The following RBM44 variants were observed in gnomAD, a reference collection of about 807,000 sequenced individuals.
RBM44 encodes RNA binding motif protein 44.
In RBM44, 66 loss-of-function variants were observed where a neutral mutation model predicts 105.1. That is an observed-to-expected ratio of 0.63 (90% CI 0.52 to 0.77). The LOEUF (loss-of-function observed/expected upper bound fraction) is 0.77, where lower values mean the gene tolerates loss of function less well. Among genes scored for constraint, RBM44 ranks in the 30% least tolerant of loss-of-function variants. RBM44 has a pLI of 0.00. For synonymous variants in RBM44, 365 were observed against 417.6 expected (o/e 0.87, Z 1.54); for missense variants, 1,122 against 1,207.8 (o/e 0.93, Z 1.05).
At chr2:237,813,389 C>G (rs2061678282) in intron 1 of RBM44, among the ~76,000 whole-genome samples, 1 of 152,072 alleles carries the variant, frequency 6.6e-6, no homozygotes, top group Non-Finnish European at 1.5e-5. Context: ...AACTTTTTAT[C>G]TAGGTTCGAC....
Position 237,816,161 on chromosome 2 carries a change from A to G in RBM44, c.74-832A>G, listed in dbSNP as rs535740731. 2.1e-3 allele frequency among the ~76,000 whole-genome samples: 316 copies of G among 152,262 alleles called. 1 individual carries two copies. Among genetic ancestry groups the G allele is most frequent in the African/African-American group, 7.2e-3 (298 of 41,564 alleles). On this transcript the variant is annotated intron_variant, in intron 2 of 15. Transcript: ENST00000316997. ...AATTTTGTCTATTTTGTTTCAAAAC[A>G]CTTTTTAAATACAAAGTTTTTCTGA...
intron 13 of RBM44, among the ~76,000 whole-genome samples, chr2:237,832,608 G>A (rs2061914919): frequency 2.0e-5 from 3 of 152,198 alleles, no homozygotes; most frequent in Admixed American, 2.0e-4. Flanking sequence ...CAGGCTGTTG[G>A]TAGGAGTATG....
intron 8 of RBM44, among the ~76,000 whole-genome samples, chr2:237,822,261 T>A (rs757314189): frequency 2.0e-5 from 3 of 152,098 alleles, no homozygotes; most frequent in African/African-American, 4.8e-5. Context: ...ATTTCTTCTT[T>A]ACTGAGATGA....
chr2:237,821,663 A>C, intron 7 of RBM44, 80 bp from the exon 8 acceptor site: 1 of 982,364 alleles, frequency 1.0e-6, no homozygotes, highest in South Asian at 1.5e-5. Flanking sequence ...CTACTTTGAA[A>C]TATACATTGT....
chr2:237,815,374 C>G (rs1011334560), intron 2 of RBM44, among the ~76,000 whole-genome samples: 1 of 152,034 alleles, frequency 6.6e-6, no homozygotes, highest in Admixed American at 6.6e-5. Context: ...AACTCATTAT[C>G]CTCATCGTCC....
intron 1 of RBM44, among the ~76,000 whole-genome samples, chr2:237,812,119 G>A (rs1208073744): frequency 1.3e-5 from 2 of 152,150 alleles, no homozygotes; most frequent in Non-Finnish European, 2.9e-5. Flanking sequence ...GCCTCCCAGA[G>A]TGCTAGGATT....
At chr2:237,815,665 A>G (rs553749622) in intron 2 of RBM44, among the ~76,000 whole-genome samples, 11 of 152,020 alleles carry the variant, frequency 7.2e-5, no homozygotes, top group Non-Finnish European at 1.3e-4. Flanking sequence ...ACATACATAT[A>G]TGTATGTGTG....
At chr2:237,819,742 TAAAA>T (rs1317514343) in intron 4 of RBM44, among the ~76,000 whole-genome samples, 1 of 151,996 alleles carries the variant, frequency 6.6e-6, no homozygotes, top group Non-Finnish European at 1.5e-5. Context: ...TATTTTCTAT[TAAAA>T]AGATAATATG....
At chr2:237,802,090 T>G (rs144215387) in intron 1 of RBM44, among the ~76,000 whole-genome samples, 76 of 152,344 alleles carry the variant, frequency 5.0e-4, no homozygotes, top group Middle Eastern at 3.4e-3. Context: ...CAATACTAAA[T>G]GAGTCCTACC....
In RBM44 at chr2:237,829,226, T is replaced by C. The variant is rs2061878945; in HGVS notation, c.2610T>C (p.Ser870=). The change falls in exon 13 of 16, where the codon TCT becomes TCC. Residue 870 remains serine (S), a synonymous_variant. Coordinates refer to ENST00000316997, the MANE Select transcript of RBM44 (RefSeq NM_001080504.3). ...TGCTCTTATGTTTTAGATATGCATC[T>C]CTTGCTTTTACAAAAAACAGCGATG... The part of the protein sequence containing the change: ...IYDSTNYRYA[S]LAFTKNSDAK... The C allele has an allele frequency of 6.2e-7, 1 of 1,608,316 alleles. No individual in the cohort carries two copies. The highest frequency in any genetic ancestry group is 1.3e-5 in the African/African-American group (1 of 74,698).
chr2:237,840,950 A>T (rs543310871), intron 15 of RBM44, among the ~76,000 whole-genome samples: 1 of 152,338 alleles, frequency 6.6e-6, no homozygotes, highest in East Asian at 1.9e-4. Context: ...GAGAAAAGGG[A>T]ATGCCTATGC....
At chr2:237,839,797 C>T (rs2061993566) in intron 15 of RBM44, among the ~76,000 whole-genome samples, 1 of 152,098 alleles carries the variant, frequency 6.6e-6, no homozygotes, top group African/African-American at 2.4e-5. Flanking sequence ...TAGACTTCAT[C>T]AAAATCAAGA....
Position 237,823,541 on chromosome 2 carries a change from A to T in RBM44, c.2307A>T (p.Lys769Asn). ...TAAATGCAGACTTTAGTCAACTGAA[A>T]CTTGGTGATAAAGGTTAGTATAAAA... ...GDINADFSQL[K>N]LGDKDCRHYQ... The change falls in exon 9 of 16, where the codon AAA becomes AAT. Residue 769 changes from lysine to asparagine, a missense_variant. Lys to Asn is a moderately conservative substitution (Grantham distance 94, BLOSUM62 0). Around this residue, in one of 3 missense-constraint regions of RBM44, gnomAD observed 918 missense variants for 955.3 expected, o/e 0.96. Coordinates refer to ENST00000316997, the MANE Select transcript of RBM44 (RefSeq NM_001080504.3). 1.4e-6 allele frequency: 2 copies of T among 1,460,196 alleles called. No homozygotes were observed. The highest frequency in any genetic ancestry group is 1.9e-6 in the Non-Finnish European group (2 of 1,063,910). The allele number at this position is 1,460,196 out of a possible 1,614,324, so 90.5% of individuals were successfully genotyped here.
intron 11 of RBM44, 42 bp downstream of exon 11, chr2:237,827,371 T>C (rs1264833191): frequency 1.4e-6 from 2 of 1,466,748 alleles, no homozygotes; most frequent in East Asian, 4.7e-5. Flanking sequence ...TTCAAATTTA[T>C]TAGTTGTTCA....
intron 13 of RBM44, among the ~76,000 whole-genome samples, chr2:237,832,750 TATTG>T (rs1440670300): frequency 3.9e-5 from 6 of 152,350 alleles, no homozygotes; most frequent in African/African-American, 1.2e-4. Context: ...ATTTAGAAAA[TATTG>T]ATTGTCTACA....
chr2:237,832,089 ACT>A (rs1356231179), intron 13 of RBM44, among the ~76,000 whole-genome samples: 1 of 150,294 alleles, frequency 6.7e-6, no homozygotes, highest in Non-Finnish European at 1.5e-5. Flanking sequence ...CTTGATTCTA[ACT>A]CTGTATTTTC....
chr2:237,817,032 C>A lies in RBM44; in HGVS notation c.113C>A (p.Ser38Tyr). ...CCAAAGAAAGAAAATTTGTTATTATCCTCCAATGGTTGTGATGAAGTCAAA... is the reference window on the plus strand; with the variant it reads ...CCAAAGAAAGAAAATTTGTTATTATACTCCAATGGTTGTGATGAAGTCAAA... ...SNPKKENLLL[S>Y]SNGCDEVKLT... The change falls in exon 3 of 16, where the codon TCC (serine) becomes TAC (tyrosine). Residue 38 changes from serine to tyrosine, a missense_variant. By Grantham distance (144) the Ser-to-Tyr change is moderately radical. Transcript: ENST00000316997. 1 of 1,563,748 alleles carries A rather than the reference C, an allele frequency of 6.4e-7. No individual in the cohort carries two copies. Among genetic ancestry groups the A allele is most frequent in the Non-Finnish European group, 8.6e-7 (1 of 1,159,420 alleles).
At chr2:237,830,581 T>G (rs904290377) in intron 13 of RBM44, among the ~76,000 whole-genome samples, 1 of 152,158 alleles carries the variant, frequency 6.6e-6, no homozygotes, top group Non-Finnish European at 1.5e-5. Flanking sequence ...GTTTCAGGTA[T>G]TTGTTGAGGT....
At chr2:237,822,495 C>A (rs910550431) in intron 8 of RBM44, among the ~76,000 whole-genome samples, 2 of 152,024 alleles carry the variant, frequency 1.3e-5, no homozygotes, top group Non-Finnish European at 2.9e-5. Flanking sequence ...TTGGTTTTAA[C>A]CCTGAGGTTT....
Sources: gnomAD v4.1 joint callset for allele counts (sites outside exome capture counted in the v4.1 genomes callset) on GRCh38, gnomAD v4.1.1 for gene constraint, gnomAD v4.1.1 regional missense constraint, MANE v1.5 for transcripts, NCBI Gene and HGNC (gene_info 2026-07-23, HGNC 2026-07-21) for gene names.